The following SECISBP2 variants were observed in gnomAD, a reference collection of about 807,000 sequenced individuals.
The protein encoded by SECISBP2 is SECIS binding protein 2, also known as selenocysteine insertion sequence-binding protein 2.
A neutral mutation model predicts 98.2 loss-of-function variants in SECISBP2; 96 were observed. The observed-to-expected ratio is 0.98, with a 90% CI of 0.83 to 1.16. The LOEUF (loss-of-function observed/expected upper bound fraction) is 1.16, where lower values mean the gene tolerates loss of function less well. Ranked by LOEUF, SECISBP2 falls within the 50% of genes most tolerant of loss-of-function variation. The probability of loss-of-function intolerance (pLI) is 0.00; values close to 1 mark genes in which losing one functional copy is unlikely to be tolerated. For synonymous variants in SECISBP2, 407 were observed against 370.2 expected (o/e 1.10, Z -1.14); for missense variants, 1,046 against 1,022.9 (o/e 1.02, Z -0.31).
intron 4 of SECISBP2, among the ~76,000 whole-genome samples, 194 bp downstream of exon 4, chr9:89,326,232 T>G (rs1210591495): frequency 6.6e-6 from 1 of 152,232 alleles, no homozygotes; most frequent in Non-Finnish European, 1.5e-5. Context: ...GGGATGGGAT[T>G]ATTATTTGGT....
In SECISBP2 at chr9:89,324,941, G is replaced by A. The variant is rs867917706; in HGVS notation, c.183-486G>A. On this transcript the variant is annotated intron_variant, in intron 2 of 16. Transcript: ENST00000375807. ...GTGTGTAGTTAACATCCACGGTGCCGTGCGGTGTCTGCTTTGCGCTCTGAC... is the reference window on the plus strand; with the variant it reads ...GTGTGTAGTTAACATCCACGGTGCCATGCGGTGTCTGCTTTGCGCTCTGAC... 5.6e-5 allele frequency: 11 copies of A among 195,830 alleles called. 1 individual carries two copies. Among genetic ancestry groups the A allele is most frequent in the South Asian group, 4.5e-4 (5 of 11,062 alleles). The allele number at this position is 195,830 out of a possible 1,614,324, so 12.1% of individuals were successfully genotyped here. A position where few individuals can be genotyped will look rare whatever the true frequency, so the allele number is the denominator to read the frequency against.
At chr9:89,329,105 C>T (rs112429144) in intron 5 of SECISBP2, 9,695 of 560,040 alleles carry the variant, frequency 0.017, 746 homozygotes, top group African/African-American at 0.16. Context: ...TTTATTTGTG[C>T]GTTTTGTTTT....
At chr9:89,320,186 G>A (rs553512327) in intron 2 of SECISBP2, among the ~76,000 whole-genome samples, 4 of 151,936 alleles carry the variant, frequency 2.6e-5, no homozygotes, top group African/African-American at 7.2e-5. Context: ...GTGAAACTCC[G>A]TCTCCACAAA....
Position 89,358,153 on chromosome 9 carries a change from G to GC in SECISBP2, c.2429dup (p.Ala811SerfsTer12), listed in dbSNP as rs1220391014. ...GGCCCCAGCTGCCCTGCAGAAGATG[G>GC]CCCCCCAGCCCTGAAAGAAAAAGAA... On this transcript the variant is annotated frameshift_variant, in exon 16 of 17. Coordinates refer to ENST00000375807, the MANE Select transcript of SECISBP2 (RefSeq NM_024077.5). LOFTEE classifies it low-confidence loss of function (END_TRUNC). 11 of 1,613,464 alleles carry GC rather than the reference G, an allele frequency of 6.8e-6. No homozygotes were observed. The highest frequency in any genetic ancestry group is 6.8e-6 in the Non-Finnish European group (8 of 1,179,870).
At chr9:89,362,180 T>A, downstream of SECISBP2, 9 of 652,854 alleles carry the variant, frequency 1.4e-5, no homozygotes, top group Admixed American at 2.9e-5. Flanking sequence ...AGCACCTAAT[T>A]TTTTAAGTCT....
intron 4 of SECISBP2, among the ~76,000 whole-genome samples, chr9:89,326,699 C>T (rs1433747155): frequency 1.3e-5 from 2 of 152,254 alleles, no homozygotes; most frequent in African/African-American, 2.4e-5. Context: ...TAGGTGATTT[C>T]GTCATTGTGG....
At chr9:89,354,778 C>G in intron 14 of SECISBP2, 1 of 985,422 alleles carries the variant, frequency 1.0e-6, no homozygotes, top group Admixed American at 6.1e-5. Flanking sequence ...GCTCAAATAA[C>G]ATTTCAGATT....
At chr9:89,346,758 A>G (rs994469076) in intron 10 of SECISBP2, 124 bp from the exon 11 acceptor site, 5 of 1,003,716 alleles carry the variant, frequency 5.0e-6, no homozygotes, top group Non-Finnish European at 7.8e-6. Flanking sequence ...TGTGGGGACA[A>G]GCTGGGGGTG....
chr9:89,344,361 T>G (rs1404458927), intron 10 of SECISBP2, among the ~76,000 whole-genome samples: 1 of 152,238 alleles, frequency 6.6e-6, no homozygotes, highest in Non-Finnish European at 1.5e-5. Flanking sequence ...GCTTTTGATG[T>G]CTTTGTCATG....
Position 89,348,156 on chromosome 9 carries a change from C to T in SECISBP2, c.1680C>T (p.Asp560=), listed in dbSNP as rs757239264. The change falls in exon 12 of 17, where the codon GAC becomes GAT. Residue 560 remains aspartate, a synonymous_variant. Transcript: ENST00000375807. ...TGAGTCCAGCTTTTACCAGTGATGA[C>T]ACACAAGATGGAGAGAGTGGTGGTG... ...NAVSPAFTSD[D]TQDGESGGDD... The T allele has an allele frequency of 6.2e-7, 1 of 1,614,030 alleles. No homozygotes were observed. Among genetic ancestry groups the T allele is most frequent in the Admixed American group, 1.7e-5 (1 of 60,010 alleles).
intron 10 of SECISBP2, among the ~76,000 whole-genome samples, chr9:89,343,058 CT>C (rs1829894801): frequency 2.0e-5 from 3 of 152,016 alleles, no homozygotes; most frequent in Admixed American, 1.3e-4. Context: ...TAGAAGTGTC[CT>C]GAGTTTCTGA....
intron 14 of SECISBP2, 129 bp from the exon 15 acceptor site, chr9:89,357,281 TC>T: frequency 1.0e-6 from 1 of 981,572 alleles, no homozygotes; most frequent in Non-Finnish European, 1.6e-6. Context: ...CCTTGTATTT[TC>T]AGGGGCGTCT....
chr9:89,354,928 C>T (rs1831838964), intron 14 of SECISBP2: 8 of 985,424 alleles, frequency 8.1e-6, no homozygotes, highest in Non-Finnish European at 9.6e-6. Context: ...GAATACGGAA[C>T]ACTCCACCCC....
intron 7 of SECISBP2, among the ~76,000 whole-genome samples, chr9:89,337,240 T>C (rs1002405537): frequency 2.6e-5 from 4 of 152,246 alleles, no homozygotes; most frequent in African/African-American, 7.2e-5. Context: ...TTAGAAAAAT[T>C]CTAAAAGATG....
In SECISBP2 at chr9:89,357,569, A is replaced by G. The variant is rs1451674545; in HGVS notation, c.2268+4A>G. On this transcript the variant is annotated splice_donor_region_variant and intron_variant, in intron 15 of 16. Coordinates refer to ENST00000375807, the MANE Select transcript of SECISBP2 (RefSeq NM_024077.5). ...CTTCAGCTATGATGGGGCCCAGGTG[A>G]GTGCACAGGGCACAGGCCTCTTCAG... 6.2e-7 allele frequency: 1 copy of G among 1,613,006 alleles called. No individual in the cohort carries two copies. Among genetic ancestry groups the G allele is most frequent in the Non-Finnish European group, 8.5e-7 (1 of 1,179,950 alleles).
chr9:89,326,868 T>A (rs921511003), intron 4 of SECISBP2, among the ~76,000 whole-genome samples: 3 of 152,100 alleles, frequency 2.0e-5, no homozygotes, highest in Non-Finnish European at 4.4e-5. Flanking sequence ...TATTTGTGTA[T>A]CAAAATATAG....
intron 11 of SECISBP2, 140 bp downstream of exon 11, chr9:89,347,188 C>T (rs1045464133): frequency 4.3e-5 from 37 of 864,982 alleles, no homozygotes; most frequent in Non-Finnish European, 6.6e-5. Flanking sequence ...GTTAATGATA[C>T]TCCAACAAAT....
chr9:89,339,846 G>A lies in SECISBP2; in HGVS notation c.1213-18G>A. On this transcript the variant is annotated intron_variant, in intron 8 of 16. Coordinates refer to ENST00000375807, the MANE Select transcript of SECISBP2 (RefSeq NM_024077.5). ...TTTGCATTAACAAAAGAGCTAAAGG[G>A]GTGTGTGGTTTACTTAGGATGCCGA... 1 of 1,576,620 alleles carries A rather than the reference G, an allele frequency of 6.3e-7. No individual in the cohort carries two copies. Among genetic ancestry groups the A allele is most frequent in the Non-Finnish European group, 8.7e-7 (1 of 1,146,060 alleles).
At chr9:89,356,069 G>T (rs189778181) in intron 14 of SECISBP2, among the ~76,000 whole-genome samples, 37 of 152,324 alleles carry the variant, frequency 2.4e-4, no homozygotes, top group Middle Eastern at 3.4e-3. Flanking sequence ...CTGGGCTGCA[G>T]ACCAGTATTA....
Sources: gnomAD v4.1 joint callset for allele counts (sites outside exome capture counted in the v4.1 genomes callset) on GRCh38, gnomAD v4.1.1 for gene constraint, MANE v1.5 for transcripts, NCBI Gene and HGNC (gene_info 2026-07-23, HGNC 2026-07-21) for gene names.